The following RAI1 variants were observed in gnomAD, a reference collection of about 807,000 sequenced individuals.
RAI1 encodes the protein retinoic acid-induced protein 1.
A neutral mutation model predicts 123.8 loss-of-function variants in RAI1; 9 were observed. That is an observed-to-expected ratio of 0.07 (90% CI 0.04 to 0.13). RAI1 has a LOEUF of 0.13. Among genes scored for constraint, RAI1 ranks in the 10% least tolerant of loss-of-function variants. The pLI, the probability that RAI1 is intolerant of heterozygous loss-of-function variation, is 1.00. For synonymous variants in RAI1, 1,231 were observed against 1,127.3 expected, an observed-to-expected ratio of 1.09 and a Z score of -1.84; for missense variants, 2,256 against 2,545.8, an observed-to-expected ratio of 0.89 and a Z score of 2.45.
At chr17:17,718,145 C>T (rs1158489134) in intron 1 of RAI1, among the ~76,000 whole-genome samples, 1 of 152,200 alleles carries the variant, frequency 6.6e-6, no homozygotes, top group African/African-American at 2.4e-5. Flanking sequence ...CCCCTGCTTC[C>T]CCTGGTCGGG....
intron 2 of RAI1, among the ~76,000 whole-genome samples, chr17:17,790,574 T>C (rs1435470895): frequency 6.6e-6 from 1 of 152,032 alleles, no homozygotes; most frequent in Non-Finnish European, 1.5e-5. Context: ...ACTGTCTCTG[T>C]CTCTCTTTAA....
rs746156796 is a variant in RAI1 at position 17,796,674 on chromosome 17, G to A, written c.3726G>A (p.Arg1242=). 2 of 1,612,954 alleles carry A rather than the reference G, an allele frequency of 1.2e-6. No individual in the cohort carries two copies. The highest frequency in any genetic ancestry group is 3.3e-5 in the Admixed American group (2 of 59,986). Residue 1242 remains arginine, a synonymous_variant, in exon 3 of 6, where the codon CGG becomes CGA. Coordinates refer to ENST00000353383, the MANE Select transcript of RAI1 (RefSeq NM_030665.4). This position sits in a 1 kb window ranked among gnomAD's most constrained non-coding sequence, Gnocchi z 5.8. ...CCAAGAAGCGGAACCTGGTCTTGCG[G>A]AGCCGCAGCAGCAGCAGCAGCAACG... is the stretch of plus-strand genomic sequence containing the variant. ...VPTKKRNLVL[R]SRSSSSSNAS...
chr17:17,709,759 G>C (rs12603857), intron 1 of RAI1, among the ~76,000 whole-genome samples: 38,474 of 151,948 alleles, frequency 0.25, 5,052 homozygotes, highest in East Asian at 0.37. Flanking sequence ...GCTTTCCTCT[G>C]AACCTTAAGG....
intron 2 of RAI1, among the ~76,000 whole-genome samples, chr17:17,727,494 C>T (rs1347687599): frequency 6.6e-6 from 1 of 152,242 alleles, no homozygotes; most frequent in East Asian, 1.9e-4. Context: ...ACAGGCTTCT[C>T]GGCCCTCCTG....
intron 2 of RAI1, among the ~76,000 whole-genome samples, chr17:17,758,014 C>G (rs2030517031): frequency 6.6e-6 from 1 of 152,248 alleles, no homozygotes; most frequent in African/African-American, 2.4e-5. Context: ...CCTACCTCGC[C>G]CCCACCCTCA....
chr17:17,730,853 G>A (rs954076458), intron 2 of RAI1, among the ~76,000 whole-genome samples: 1 of 152,240 alleles, frequency 6.6e-6, no homozygotes, highest in Non-Finnish European at 1.5e-5. Flanking sequence ...GGCACGGGGC[G>A]GAGAGGCAGA....
chr17:17,795,060 T>C lies in RAI1; in HGVS notation c.2112T>C (p.Gly704=). The change falls in exon 3 of 6, where the codon GGT becomes GGC. Residue 704 remains glycine (G), a synonymous_variant. Transcript: ENST00000353383. This position sits in a 1 kb window ranked among gnomAD's most constrained non-coding sequence, Gnocchi z 5.9. ...FATPDPKKTT[G]PLSFGTKPTL... Reference sequence around the variant, plus strand: ...CGCCTGACCCCAAAAAGACAACTGGTCCTCTCTCCTTTGGTACCAAGCCCA... The same window carrying C: ...CGCCTGACCCCAAAAAGACAACTGGCCCTCTCTCCTTTGGTACCAAGCCCA... 6.2e-7 allele frequency: 1 copy of C among 1,614,090 alleles called. No individual in the cohort carries two copies. The highest frequency in any genetic ancestry group is 1.1e-5 in the South Asian group (1 of 91,080).
intron 1 of RAI1, among the ~76,000 whole-genome samples, chr17:17,695,869 C>T (rs1915013294): frequency 6.6e-6 from 1 of 152,200 alleles, no homozygotes; most frequent in Non-Finnish European, 1.5e-5. Flanking sequence ...TTTGTCACCT[C>T]CTACCTGTAC....
chr17:17,797,626 C>T lies in RAI1; in HGVS notation c.4678C>T (p.Arg1560Ter), dbSNP rs727504119. 6.2e-7 allele frequency: 1 copy of T among 1,613,922 alleles called. No homozygotes were observed. Among genetic ancestry groups the T allele is most frequent in the Non-Finnish European group, 8.5e-7 (1 of 1,180,044 alleles). The change falls in exon 3 of 6, where the codon CGA becomes TGA. Residue 1560 changes from arginine (R) to a stop codon, truncating the protein, a stop_gained. Coordinates refer to ENST00000353383, the MANE Select transcript of RAI1 (RefSeq NM_030665.4). LOFTEE classifies it high-confidence loss of function. ...ACCCTGTAAGGGGCGTGCCAAGCGA[C>T]GACGACAGCAGCAGGTGCTGCCCCT... ...SSPCKGRAKR[R>*]RQQQVLPLDP...
At position 17,747,385 on chromosome 17, in the gene RAI1, G is replaced by A. The variant is rs569288720; in HGVS notation, c.-17+23226G>A. ...TGGCCTGTCAGAGGATGTGGAAGAT[G>A]GGGTGGGCCAGTCCCTGTTGCTGGA... On this transcript the variant is annotated intron_variant, in intron 2 of 5. Transcript: ENST00000353383. Among the ~76,000 whole-genome samples the A allele has an allele frequency of 3.3e-5, 5 of 152,326 alleles. No homozygotes were observed. The East Asian group carries it at 9.7e-4, about 29-fold the overall frequency.
chr17:17,721,119 G>T (rs754982854), intron 1 of RAI1, among the ~76,000 whole-genome samples: 1 of 152,082 alleles, frequency 6.6e-6, no homozygotes, highest in Admixed American at 6.5e-5. Flanking sequence ...CTCACTGAGC[G>T]ACCTCAGGTG....
chr17:17,734,123 C>T lies in RAI1; in HGVS notation c.-17+9964C>T, dbSNP rs562354930. On this transcript the variant is annotated intron_variant, in intron 2 of 5. Transcript: ENST00000353383. ...AGGATGCCTGAGGCAGACGTTGAAG[C>T]CTTGTTTCTAGTCAAGCACTGGCTA... 2.7e-4 allele frequency among the ~76,000 whole-genome samples: 41 copies of T among 152,214 alleles called. No homozygotes were observed. The South Asian group carries it at 8.5e-3, about 32-fold the overall frequency.
chr17:17,800,820 C>T lies in RAI1; in HGVS notation c.5565+2307C>T, dbSNP rs1243310329. Among the ~76,000 whole-genome samples the T allele has an allele frequency of 1.3e-5, 2 of 152,244 alleles. No homozygotes were observed. The highest frequency in any genetic ancestry group is 2.4e-5 in the African/African-American group (1 of 41,462). ...TTTGGCTCACCACCCCTTCCTGCCT[C>T]AGTGGCTTGGGGGCGCCATGCTCCT... On this transcript the variant is annotated intron_variant, in intron 3 of 5. Coordinates refer to ENST00000353383, the MANE Select transcript of RAI1 (RefSeq NM_030665.4). This position sits in a 1 kb window ranked among gnomAD's most constrained non-coding sequence, Gnocchi z 4.7.
At chr17:17,807,721 C>A (rs775939298) in intron 4 of RAI1, among the ~76,000 whole-genome samples, 10 of 152,250 alleles carry the variant, frequency 6.6e-5, no homozygotes. Flanking sequence ...CCTCAACTTC[C>A]CTTGGTGGGA....
At position 17,795,571 on chromosome 17, in the gene RAI1, T is replaced by C; in HGVS notation, c.2623T>C (p.Cys875Arg). Residue 875 changes from cysteine to arginine, a missense_variant, in exon 3 of 6, where the codon TGT (cysteine) becomes CGT (arginine). Coordinates refer to ENST00000353383, the MANE Select transcript of RAI1 (RefSeq NM_030665.4). This position sits in a 1 kb window ranked among gnomAD's most constrained non-coding sequence, Gnocchi z 5.9. ...AGCTGAGGAGGAGTACTCCTCCCTA[T>C]GTGAGCTCCTGGGCAGCCCCGAGCA... is the stretch of plus-strand genomic sequence containing the variant. Reference protein sequence around the residue: ...LEAEEEYSSLCELLGSPEQRP... With the variant: ...LEAEEEYSSLRELLGSPEQRP... 6 of 1,611,216 alleles carry C rather than the reference T, an allele frequency of 3.7e-6. No individual in the cohort carries two copies. The highest frequency in any genetic ancestry group is 5.1e-6 in the Non-Finnish European group (6 of 1,178,974).
Position 17,797,209 on chromosome 17 carries a change from A to T in RAI1, c.4261A>T (p.Thr1421Ser), listed in dbSNP as rs2032291472. ...CATGAACAGTAAGAAACTGTCTTCT[A>T]CTGACTGTTTCAAAACCGAGGCCTT... ...KLMNSKKLSSTDCFKTEAFTS... is the reference protein window; with the variant it reads ...KLMNSKKLSSSDCFKTEAFTS... Residue 1421 changes from threonine (T) to serine (S), a missense_variant, in exon 3 of 6, where the codon ACT (threonine) becomes TCT (serine). By Grantham distance (58) the Thr-to-Ser change is moderately conservative. Transcript: ENST00000353383. 3.7e-6 allele frequency: 6 copies of T among 1,613,804 alleles called. No homozygotes were observed. Among genetic ancestry groups the T allele is most frequent in the Non-Finnish European group, 5.1e-6 (6 of 1,180,022 alleles).
Position 17,798,369 on chromosome 17 carries a change from C to T in RAI1, c.5421C>T (p.Cys1807=), listed in dbSNP as rs2032343694. The stretch of plus-strand genomic sequence containing the variant: ...CCGACAAGGGTCGCAAACATGAGTG[C>T]AGCAAGGAGGCTCCGGCAGAGCCCG... ...APADKGRKHE[C]SKEAPAEPGG... is the part of the protein sequence containing the mutation. The change falls in exon 3 of 6, where the codon TGC becomes TGT. Residue 1807 remains cysteine (C), a synonymous_variant. Coordinates refer to ENST00000353383, the MANE Select transcript of RAI1 (RefSeq NM_030665.4). 1.2e-6 allele frequency: 2 copies of T among 1,608,400 alleles called. No homozygotes were observed. Among genetic ancestry groups the T allele is most frequent in the Non-Finnish European group, 1.7e-6 (2 of 1,177,838 alleles).
chr17:17,770,671 G>T (rs1373601040), intron 2 of RAI1: 1 of 152,216 alleles, frequency 6.6e-6, no homozygotes, highest in African/African-American at 2.4e-5. Context: ...CAAGCTAGTG[G>T]AGGGGCCGGG....
chr17:17,725,578 C>T (rs151282916), intron 2 of RAI1, among the ~76,000 whole-genome samples: 283 of 152,218 alleles, frequency 1.9e-3, no homozygotes, highest in African/African-American at 6.6e-3. Flanking sequence ...ACGCAGAAGC[C>T]CCCAGATTAT....
Sources: gnomAD v4.1 joint callset for allele counts (sites outside exome capture counted in the v4.1 genomes callset) on GRCh38, gnomAD v4.1.1 for gene constraint, Gnocchi (gnomAD v3.1) non-coding constraint, MANE v1.5 for transcripts, NCBI Gene and HGNC (gene_info 2026-07-23, HGNC 2026-07-21) for gene names.